Variants in SLC20A2 observed in about 807,000 individuals in gnomAD.
SLC20A2 encodes the protein solute carrier family 20 member 2.
SLC20A2 carries 30 observed loss-of-function variants against 61.0 expected under a neutral mutation model. That is an observed-to-expected ratio of 0.49 (90% CI 0.37 to 0.67). The LOEUF (loss-of-function observed/expected upper bound fraction) is 0.67. Among genes scored for constraint, SLC20A2 ranks in the 30% least tolerant of loss-of-function variants. SLC20A2 has a pLI of 0.00. For synonymous variants in SLC20A2, 351 were observed against 353.3 expected, an observed-to-expected ratio of 0.99 and a Z score of 0.07; for missense variants, 626 against 866.4, an observed-to-expected ratio of 0.72 and a Z score of 3.48.
At chr8:42,483,629 C>G (rs1251599635) in intron 1 of SLC20A2, among the ~76,000 whole-genome samples, 1 of 152,228 alleles carries the variant, frequency 6.6e-6, no homozygotes, top group Non-Finnish European at 1.5e-5. Context: ...CTCCTTTCTT[C>G]CTTTCCGTAT....
intron 6 of SLC20A2, among the ~76,000 whole-genome samples, chr8:42,440,891 C>T (rs974355732): frequency 6.6e-6 from 1 of 152,228 alleles, no homozygotes; most frequent in Admixed American, 6.5e-5. Context: ...ACCTCCGCCT[C>T]ACGCGTTCAA....
At chr8:42,506,545 A>C (rs982412908) in intron 1 of SLC20A2, among the ~76,000 whole-genome samples, 1 of 152,218 alleles carries the variant, frequency 6.6e-6, no homozygotes, top group Non-Finnish European at 1.5e-5. Flanking sequence ...AGTGCGGATT[A>C]AAGGCTCCCT....
chr8:42,506,186 C>T (rs3935699), upstream of SLC20A2, among the ~76,000 whole-genome samples: 18,711 of 152,142 alleles, frequency 0.12, 1,257 homozygotes, highest in South Asian at 0.2. Context: ...GGCATCCATC[C>T]ACCTTGGCCT....
chr8:42,541,299 A>ACCCGCCGCCGCCGCGAGC (rs1813124848), intron 1 of SLC20A2: 1 of 148,476 alleles, frequency 6.7e-6, no homozygotes, highest in African/African-American at 2.4e-5. Context: ...GGGGGACGCA[A>ACCCGCCGCCGCCGCGAGC]CCCGCCGCCG....
chr8:42,459,235 C>CAAAAAAAAAAAAAAAA (rs756966778), intron 5 of SLC20A2, among the ~76,000 whole-genome samples: 12 of 36,070 alleles, frequency 3.3e-4, no homozygotes, highest in Non-Finnish European at 4.4e-4. Flanking sequence ...GACTCTATCT[C>CAAAAAAAAAAAAAAAA]AAAAAAAAAA....
chr8:42,478,803 C>A (rs930474685), intron 1 of SLC20A2, among the ~76,000 whole-genome samples: 9 of 151,950 alleles, frequency 5.9e-5, no homozygotes, highest in Admixed American at 2.0e-4. Flanking sequence ...TGATATTTTC[C>A]CTTATCTATA....
chr8:42,433,490 AT>A (rs1376743084), intron 8 of SLC20A2, among the ~76,000 whole-genome samples: 1 of 151,808 alleles, frequency 6.6e-6, no homozygotes, highest in African/African-American at 2.4e-5. Context: ...CGCCTGGCTA[AT>A]TTTTTGTATT....
chr8:42,469,487 C>T (rs982566596), intron 2 of SLC20A2, among the ~76,000 whole-genome samples: 10 of 152,134 alleles, frequency 6.6e-5, no homozygotes, highest in Non-Finnish European at 1.3e-4. Context: ...GAAATGATCC[C>T]GTCTGCAGAA....
Position 42,438,050 on chromosome 8 carries a change from TAAAAAAAAAAACCAAAAAAAAAAAAAA to T in SLC20A2, c.935-500_935-474del, listed in dbSNP as rs1804445810. Among the ~76,000 whole-genome samples, 6 of 15,956 alleles carry T rather than the reference TAAAAAAAAAAACCAAAAAAAAAAAAAA, an allele frequency of 3.8e-4. No homozygotes were observed. In the Admixed American group the frequency reaches 5.8e-3, roughly 15 times the overall value. The allele number at this position is 15,956 out of a possible 152,430, so 10.5% of individuals were successfully genotyped here. A position where few individuals can be genotyped will look rare whatever the true frequency, so the allele number is the denominator to read the frequency against. ...AAAGGACATGTAATATGGTTACCAC[TAAAAAAAAAAACCAAAAAAAAAAAAAA>T]AAAAAAAAAAAACATGGAAACATAC... On this transcript the variant is annotated intron_variant, in intron 7 of 10. Coordinates refer to ENST00000520262, the MANE Select transcript of SLC20A2 (RefSeq NM_001257180.2).
intron 1 of SLC20A2, among the ~76,000 whole-genome samples, chr8:42,525,167 C>T (rs77060072): frequency 6.6e-6 from 1 of 152,138 alleles, no homozygotes; most frequent in Non-Finnish European, 1.5e-5. Context: ...TCATCCCTCA[C>T]TAAAGGAAAT....
intron 1 of SLC20A2, among the ~76,000 whole-genome samples, chr8:42,491,469 C>T (rs1301558477): frequency 6.7e-6 from 1 of 148,952 alleles, no homozygotes; most frequent in Non-Finnish European, 1.5e-5. Context: ...CACGCCACTG[C>T]ACTGCAGCTT....
intron 8 of SLC20A2, among the ~76,000 whole-genome samples, chr8:42,435,231 T>G (rs142520987): frequency 6.6e-6 from 1 of 152,338 alleles, no homozygotes; most frequent in African/African-American, 2.4e-5. Context: ...CAGGTTCATC[T>G]GCAGCGAGAC....
At chr8:42,421,866 C>CTT (rs111297835) in intron 10 of SLC20A2, among the ~76,000 whole-genome samples, 16 of 148,026 alleles carry the variant, frequency 1.1e-4, no homozygotes, top group African/African-American at 2.7e-4. Context: ...CAACAGAGAT[C>CTT]TTTTTTTTTT....
At chr8:42,431,437 G>A (rs1367848433) in intron 8 of SLC20A2, among the ~76,000 whole-genome samples, 1 of 152,230 alleles carries the variant, frequency 6.6e-6, no homozygotes, top group Non-Finnish European at 1.5e-5. Flanking sequence ...GCTAGCAGAG[G>A]TTGGTTCTGG....
intron 1 of SLC20A2, among the ~76,000 whole-genome samples, chr8:42,485,845 C>T (rs1489745756): frequency 6.6e-6 from 1 of 151,286 alleles, no homozygotes; most frequent in South Asian, 2.1e-4. Flanking sequence ...ACTCGAGAGG[C>T]TGAGGCAGGA....
At chr8:42,484,990 G>T in intron 1 of SLC20A2, 2 of 287,698 alleles carry the variant, frequency 7.0e-6, no homozygotes, top group South Asian at 6.6e-5. Flanking sequence ...TGGACCAAAG[G>T]GCACCCTGGC....
chr8:42,538,300 G>T (rs1400601673), intron 1 of SLC20A2: 1 of 149,252 alleles, frequency 6.7e-6, no homozygotes, highest in Non-Finnish European at 1.5e-5. Context: ...ATATTATACT[G>T]GATACCAAGG....
chr8:42,536,950 C>T (rs1280396908), intron 1 of SLC20A2, among the ~76,000 whole-genome samples: 6 of 152,026 alleles, frequency 3.9e-5, no homozygotes, highest in African/African-American at 1.5e-4. Context: ...TGGCAAGCAC[C>T]TGTAATCACA....
At position 42,518,347 on chromosome 8, in the gene SLC20A2, TATTTTATTCATAATGGCTATCAA is replaced by T. The variant is rs531467924; in HGVS notation, c.-265+23451_-265+23473del. 1.2e-3 allele frequency among the ~76,000 whole-genome samples: 188 copies of T among 152,382 alleles called. 1 individual carries two copies. The highest frequency in any genetic ancestry group is 2.2e-3 in the Non-Finnish European group (153 of 68,036). ...TAAAGCCATACCAAATGGCTATTCA[TATTTTATTCATAATGGCTATCAA>T]ATTTTATTCACATTTTTGAAACAAG... On this transcript the variant is annotated intron_variant, in intron 1 of 10. Coordinates refer to the SLC20A2 transcript ENST00000342228.
Sources: gnomAD v4.1 joint callset for allele counts (sites outside exome capture counted in the v4.1 genomes callset) on GRCh38, gnomAD v4.1.1 for gene constraint, MANE v1.5 for transcripts, NCBI Gene and HGNC (gene_info 2026-07-23, HGNC 2026-07-21) for gene names.